GRIK4: variants seen among roughly 807,000 people sequenced by gnomAD.
GRIK4 encodes glutamate receptor ionotropic, kainate 4.
Under a neutral mutation model 104.9 loss-of-function variants are expected in GRIK4, and 40 were observed. That is an observed-to-expected ratio of 0.38 (90% CI 0.30 to 0.50). The LOEUF (loss-of-function observed/expected upper bound fraction) is 0.50. Among genes scored for constraint, GRIK4 ranks in the 20% least tolerant of loss-of-function variants. The probability of loss-of-function intolerance (pLI) is 0.93; values close to 1 mark genes in which losing one functional copy is unlikely to be tolerated. For synonymous variants in GRIK4, 485 were observed against 524.9 expected, an observed-to-expected ratio of 0.92 and a Z score of 1.04; for missense variants, 1,047 against 1,308.1, an observed-to-expected ratio of 0.80 and a Z score of 3.08.
chr11:120,897,811 T>G (rs1003404538), intron 11 of GRIK4, among the ~76,000 whole-genome samples: 4 of 151,978 alleles, frequency 2.6e-5, no homozygotes, highest in Non-Finnish European at 4.4e-5. Flanking sequence ...ATTTTTTAGA[T>G]GAGAAAACAT....
At chr11:120,794,978 T>C (rs1952481970) in intron 3 of GRIK4, among the ~76,000 whole-genome samples, 1 of 151,812 alleles carries the variant, frequency 6.6e-6, no homozygotes, top group Non-Finnish European at 1.5e-5. Context: ...AGATGAGTGA[T>C]GGGGATGGGC....
chr11:120,946,228 C>T (rs1015377368), intron 14 of GRIK4, among the ~76,000 whole-genome samples: 1 of 152,156 alleles, frequency 6.6e-6, no homozygotes, highest in Non-Finnish European at 1.5e-5. Context: ...ATGTTTTGCT[C>T]AGATTAATAT....
rs995521232 is a variant in GRIK4, at chr11:120,615,066, G to A, written c.-158-38619G>A. Among the ~76,000 whole-genome samples the A allele has an allele frequency of 4.6e-5, 7 of 152,290 alleles. No individual in the cohort carries two copies. In the South Asian group the frequency reaches 8.3e-4, roughly 18 times the overall value. ...AACCGTAAGCAAATATGCATTCATC[G>A]TGGGTTTCGTTTGTGTCAGGCACCA... On this transcript the variant is annotated intron_variant, in intron 1 of 20. Coordinates refer to ENST00000527524, the MANE Select transcript of GRIK4 (RefSeq NM_014619.5).
intron 1 of GRIK4, among the ~76,000 whole-genome samples, chr11:120,547,946 G>A (rs753788671): frequency 2.6e-5 from 4 of 152,212 alleles, no homozygotes; most frequent in Non-Finnish European, 5.9e-5. Flanking sequence ...TACCTGCCAG[G>A]GTGGGCGGAG....
chr11:120,969,914 C>T (rs1411811770), intron 19 of GRIK4, among the ~76,000 whole-genome samples: 2 of 152,122 alleles, frequency 1.3e-5, no homozygotes, highest in Non-Finnish European at 2.9e-5. Flanking sequence ...GGGTTGAGGG[C>T]CTTCTGTGAC....
chr11:120,865,186 T>C (rs776817274), intron 9 of GRIK4, among the ~76,000 whole-genome samples: 3 of 147,126 alleles, frequency 2.0e-5, no homozygotes, highest in Non-Finnish European at 3.0e-5. Context: ...ACAATAAATA[T>C]GCATATACGA....
intron 11 of GRIK4, among the ~76,000 whole-genome samples, chr11:120,896,050 T>C (rs1324980211): frequency 2.0e-5 from 3 of 152,146 alleles, no homozygotes; most frequent in Non-Finnish European, 4.4e-5. Flanking sequence ...TGATAGACAA[T>C]GGTTTTCCCT....
chr11:120,954,945 A>T (rs1944107250), intron 15 of GRIK4, among the ~76,000 whole-genome samples: 1 of 152,112 alleles, frequency 6.6e-6, no homozygotes, highest in African/African-American at 2.4e-5. Flanking sequence ...GAATGACAAG[A>T]GGCTGGGCAG....
chr11:120,810,120 T>C lies in GRIK4; in HGVS notation c.248-5258T>C, dbSNP rs76875403. 4.5e-3 allele frequency among the ~76,000 whole-genome samples: 691 copies of C among 152,286 alleles called. 5 individuals carry two copies. The highest frequency in any genetic ancestry group is 7.3e-3 in the Non-Finnish European group (494 of 68,020). On this transcript the variant is annotated intron_variant, in intron 4 of 20. Coordinates refer to ENST00000527524, the MANE Select transcript of GRIK4 (RefSeq NM_014619.5). ...TGTGGTGCATGTACCATATGTAAAGTTGAATCTCCAGTAACCCCATACTCA... is the reference window on the plus strand; with the variant it reads ...TGTGGTGCATGTACCATATGTAAAGCTGAATCTCCAGTAACCCCATACTCA...
chr11:120,545,550 G>C (rs1160890544), intron 1 of GRIK4, among the ~76,000 whole-genome samples: 2 of 152,196 alleles, frequency 1.3e-5, no homozygotes, highest in African/African-American at 2.4e-5. Context: ...TTTTGTGTAT[G>C]AGGAAAACAG....
chr11:120,893,497 G>T (rs895519229), intron 11 of GRIK4, among the ~76,000 whole-genome samples: 39 of 152,330 alleles, frequency 2.6e-4, no homozygotes, highest in East Asian at 1.2e-3. Flanking sequence ...CTACTCACCA[G>T]CTCTGCGAGT....
chr11:120,526,264 T>A (rs1947854685), intron 1 of GRIK4, among the ~76,000 whole-genome samples: 1 of 152,136 alleles, frequency 6.6e-6, no homozygotes, highest in Admixed American at 6.5e-5. Context: ...TGCGGTGGCA[T>A]GATCTCCATC....
chr11:120,795,797 C>T (rs1952498767), intron 3 of GRIK4, among the ~76,000 whole-genome samples: 1 of 152,118 alleles, frequency 6.6e-6, no homozygotes, highest in Non-Finnish European at 1.5e-5. Context: ...TCAGTATCCA[C>T]TGGGGATTGG....
At chr11:120,703,640 C>T (rs942112486) in intron 3 of GRIK4, among the ~76,000 whole-genome samples, 3 of 151,992 alleles carry the variant, frequency 2.0e-5, no homozygotes, top group South Asian at 2.1e-4. Flanking sequence ...CAATTTCCTT[C>T]ATGAAACTTC....
At chr11:120,647,100 C>T (rs1318790144) in intron 1 of GRIK4, among the ~76,000 whole-genome samples, 1 of 152,236 alleles carries the variant, frequency 6.6e-6, no homozygotes, top group Non-Finnish European at 1.5e-5. Flanking sequence ...GATCCAGACT[C>T]ATCAGTGTGT....
At chr11:120,813,371 A>G (rs1952867934) in intron 4 of GRIK4, among the ~76,000 whole-genome samples, 1 of 152,136 alleles carries the variant, frequency 6.6e-6, no homozygotes, top group South Asian at 2.1e-4. Context: ...TGAGGGGATG[A>G]TGAACTTCAA....
intron 3 of GRIK4, among the ~76,000 whole-genome samples, chr11:120,686,338 C>T (rs1016423419): frequency 6.6e-5 from 10 of 152,210 alleles, no homozygotes; most frequent in Non-Finnish European, 1.2e-4. Context: ...AACCCAATTC[C>T]AAATCAGCTT....
intron 8 of GRIK4, among the ~76,000 whole-genome samples, chr11:120,847,800 G>A (rs1953885815): frequency 6.6e-6 from 1 of 152,190 alleles, no homozygotes; most frequent in South Asian, 2.1e-4. Context: ...TAGCTTGGTG[G>A]TGGCTTGTCA....
At position 120,967,171 on chromosome 11, in the gene GRIK4, T is replaced by C. The variant is rs1449205100; in HGVS notation, c.2267-24T>C. 6.2e-7 allele frequency: 1 copy of C among 1,605,096 alleles called. No individual in the cohort carries two copies. Among genetic ancestry groups the C allele is most frequent in the African/African-American group, 1.3e-5 (1 of 74,936 alleles). ...AACAGGGCATTCACAACCTGTGTCC[T>C]GGGCTCTCCCGTAACCCCCGCAGGC... On this transcript the variant is annotated intron_variant, in intron 18 of 20. Transcript: ENST00000527524. The surrounding 1 kb of genome is among the most constrained non-coding windows in gnomAD (Gnocchi z 4.2).
Sources: gnomAD v4.1 joint callset for allele counts (sites outside exome capture counted in the v4.1 genomes callset) on GRCh38, gnomAD v4.1.1 for gene constraint, Gnocchi (gnomAD v3.1) non-coding constraint, MANE v1.5 for transcripts, NCBI Gene and HGNC (gene_info 2026-07-23, HGNC 2026-07-21) for gene names.